Variants in VEGFB observed in about 807,000 individuals in gnomAD.
VEGFB encodes vascular endothelial growth factor B, also known as VEGF-related factor.
A neutral mutation model predicts 22.5 loss-of-function variants in VEGFB; 24 were observed. The ratio of observed to expected loss-of-function variants is 1.07; its 90% CI spans 0.77 to 1.50. The LOEUF (loss-of-function observed/expected upper bound fraction) is 1.50, where lower values mean the gene tolerates loss of function less well. Among genes scored for constraint, VEGFB ranks in the 40% most tolerant of loss-of-function variants. VEGFB has a pLI of 0.00. For missense variants in VEGFB, 327 were observed against 287.8 expected (o/e 1.14, Z -0.99); for synonymous variants, 141 against 117.4 (o/e 1.20, Z -1.30).
chr11:64,238,021 G>A, intron 6 of VEGFB: 1 of 494,432 alleles, frequency 2.0e-6, no homozygotes, highest in Non-Finnish European at 3.6e-6. Context: ...AGCCCCTGTG[G>A]TAGACATCTG....
Position 64,238,326 on chromosome 11 carries a change from G to A in VEGFB, c.*23-30G>A, listed in dbSNP as rs1325724156. 6.5e-6 allele frequency: 10 copies of A among 1,536,030 alleles called. No homozygotes were observed. The East Asian group carries it at 2.2e-4, about 34-fold the overall frequency. On this transcript the variant is annotated intron_variant, in intron 6 of 6. Coordinates refer to ENST00000309422, the MANE Select transcript of VEGFB (RefSeq NM_003377.5). ...CAGGGCTGGGGCTGCGCTCCAGCCAGCATGAACAGATCACTTCCTCCCTCC... is the reference window on the plus strand; with the variant it reads ...CAGGGCTGGGGCTGCGCTCCAGCCAACATGAACAGATCACTTCCTCCCTCC...
At position 64,235,466 on chromosome 11, in the gene VEGFB, C is replaced by G; in HGVS notation, c.69C>G (p.Val23=). The change falls in exon 2 of 7, where the codon GTC becomes GTG. Residue 23 remains valine (V), a synonymous_variant. Coordinates refer to ENST00000309422, the MANE Select transcript of VEGFB (RefSeq NM_003377.5). The part of the protein sequence containing the change: ...LLQLAPAQAP[V]SQPDAPGHQR... ...TCTTTTCTCTCCCACAGGCCCCTGT[C>G]TCCCAGCCTGATGCCCCTGGCCACC... The G allele has an allele frequency of 6.2e-7, 1 of 1,613,926 alleles. No homozygotes were observed. The highest frequency in any genetic ancestry group is 8.5e-7 in the Non-Finnish European group (1 of 1,179,976).
Position 64,234,772 on chromosome 11 carries a change from C to A in VEGFB, c.-62C>A. ...CGCCATGGGGCTCTGGCTGTCGCCG[C>A]CCCCCGCGCCGCCGGGCTAGGGCGA... On this transcript the variant is annotated 5_prime_UTR_variant, in exon 1 of 7. Coordinates refer to ENST00000309422, the MANE Select transcript of VEGFB (RefSeq NM_003377.5). The surrounding 1 kb of genome is among the most constrained non-coding windows in gnomAD (Gnocchi z 5.3). 7 of 793,994 alleles carry A rather than the reference C, an allele frequency of 8.8e-6. No homozygotes were observed. Among genetic ancestry groups the A allele is most frequent in the Non-Finnish European group, 1.1e-5 (7 of 652,806 alleles). The allele number at this position is 793,994 out of a possible 1,614,324, so 49.2% of individuals were successfully genotyped here.
rs759114911 is a variant in VEGFB at position 64,237,577 on chromosome 11, CCTGCCG to C, written c.581_586del (p.Ala194_Ala195del). 660 of 1,597,554 alleles carry C rather than the reference CCTGCCG, an allele frequency of 4.1e-4. 5 individuals are homozygous for C. In the East Asian group the frequency reaches 9.1e-3, roughly 22 times the overall value. ...CACCACCAGCGCCCTGACCCCCGGA[CCTGCCG>C]CTGCCGCTGCCGACGCCGCAGCTTC... On this transcript the variant is annotated inframe_deletion, in exon 6 of 7. Coordinates refer to ENST00000309422, the MANE Select transcript of VEGFB (RefSeq NM_003377.5).
intron 6 of VEGFB, among the ~76,000 whole-genome samples, chr11:64,238,111 C>T (rs966378018): frequency 1.3e-5 from 2 of 152,180 alleles, no homozygotes; most frequent in Admixed American, 6.5e-5. Context: ...TCTCACCATC[C>T]GTGTCCCGCA....
rs946052001 is a variant in VEGFB at position 64,234,772 on chromosome 11, C to G, written c.-62C>G. The G allele has an allele frequency of 2.5e-6, 2 of 793,888 alleles. No homozygotes were observed. Among genetic ancestry groups the G allele is most frequent in the African/African-American group, 3.8e-5 (2 of 52,854 alleles). The allele number at this position is 793,888 out of a possible 1,614,324, so 49.2% of individuals were successfully genotyped here. ...CGCCATGGGGCTCTGGCTGTCGCCG[C>G]CCCCCGCGCCGCCGGGCTAGGGCGA... On this transcript the variant is annotated 5_prime_UTR_variant, in exon 1 of 7. Transcript: ENST00000309422. The surrounding 1 kb of genome is among the most constrained non-coding windows in gnomAD (Gnocchi z 5.3).
intron 1 of VEGFB, among the ~76,000 whole-genome samples, chr11:64,235,111 C>T (rs546856826): frequency 6.6e-6 from 1 of 152,236 alleles, no homozygotes; most frequent in African/African-American, 2.4e-5. Flanking sequence ...CCCACCCCGT[C>T]CCCTGGGCAC....
chr11:64,238,278 T>C, intron 6 of VEGFB, 78 bp from the exon 7 acceptor site: 1 of 1,517,096 alleles, frequency 6.6e-7, no homozygotes, highest in Middle Eastern at 1.7e-4. Context: ...GTGATCTTAG[T>C]GGGCCCGAGG....
Position 64,238,358 on chromosome 11 carries a change from G to A in VEGFB, c.*25G>A. The A allele has an allele frequency of 6.5e-7, 1 of 1,536,190 alleles. No homozygotes were observed. Among genetic ancestry groups the A allele is most frequent in the East Asian group, 2.4e-5 (1 of 41,062 alleles). The stretch of plus-strand genomic sequence containing the variant: ...CAGATCACTTCCTCCCTCCTCAGGT[G>A]CCGGAAGCTGCGAAGGTGACACATG... On this transcript the variant is annotated splice_region_variant and 3_prime_UTR_variant, in exon 7 of 7. Coordinates refer to ENST00000309422, the MANE Select transcript of VEGFB (RefSeq NM_003377.5).
Position 64,234,789 on chromosome 11 carries a change from C to G in VEGFB, c.-45C>G. ...TGTCGCCGCCCCCCGCGCCGCCGGG[C>G]TAGGGCGATGCGGGCGCCCCCGGCG... On this transcript the variant is annotated 5_prime_UTR_variant, in exon 1 of 7. Coordinates refer to ENST00000309422, the MANE Select transcript of VEGFB (RefSeq NM_003377.5). This position sits in a 1 kb window ranked among gnomAD's most constrained non-coding sequence, Gnocchi z 5.3. 2.4e-5 allele frequency: 24 copies of G among 1,015,586 alleles called. No homozygotes were observed. Among genetic ancestry groups the G allele is most frequent in the Non-Finnish European group, 2.6e-5 (22 of 839,384 alleles). The allele number at this position is 1,015,586 out of a possible 1,614,324, so 62.9% of individuals were successfully genotyped here. A position where few individuals can be genotyped will look rare whatever the true frequency, so the allele number is the denominator to read the frequency against.
At chr11:64,236,196 A>G in intron 3 of VEGFB, 58 bp from the exon 4 acceptor site, 2 of 1,596,494 alleles carry the variant, frequency 1.3e-6, no homozygotes, top group South Asian at 1.1e-5. Flanking sequence ...CTTCAGTCTT[A>G]GAGCATCCCC....
Position 64,235,519 on chromosome 11 carries a change from C to T in VEGFB, c.103+19C>T, listed in dbSNP as rs1159264656. On this transcript the variant is annotated intron_variant, in intron 2 of 6. Transcript: ENST00000309422. ...AGGAAAGGTAATACTTACAAAAACT[C>T]GGCACTAGCCAGCACTAAGAGGGTT... The T allele has an allele frequency of 1.2e-6, 2 of 1,613,452 alleles. No homozygotes were observed. The highest frequency in any genetic ancestry group is 1.7e-6 in the Non-Finnish European group (2 of 1,179,620).
At chr11:64,237,702 C>T in intron 6 of VEGFB, 47 bp downstream of exon 6, 2 of 1,482,100 alleles carry the variant, frequency 1.3e-6, no homozygotes, top group Admixed American at 2.1e-5. Context: ...CACCAAGGCC[C>T]TGTCCTGGAG....
At chr11:64,235,094 C>T (rs1246225485) in intron 1 of VEGFB, among the ~76,000 whole-genome samples, 1 of 152,060 alleles carries the variant, frequency 6.6e-6, no homozygotes, top group African/African-American at 2.4e-5. Flanking sequence ...TGGGGCCACT[C>T]CTCCGCCCCA....
In VEGFB at chr11:64,236,627, G is replaced by A. The variant is rs894370642; in HGVS notation, c.374+300G>A. ...AGCTACTCCGGAGGCTGAGGCAGGAGAATGGCATGAACCTGGGAGGCGTAG... is the reference window on the plus strand; with the variant it reads ...AGCTACTCCGGAGGCTGAGGCAGGAAAATGGCATGAACCTGGGAGGCGTAG... On this transcript the variant is annotated intron_variant, in intron 4 of 6. Transcript: ENST00000309422. Among the ~76,000 whole-genome samples, 5 of 146,038 alleles carry A rather than the reference G, an allele frequency of 3.4e-5. No individual in the cohort carries two copies. In the East Asian group the frequency reaches 8.1e-4, roughly 24 times the overall value.
intron 6 of VEGFB, chr11:64,237,972 G>A (rs1197664796): frequency 2.1e-6 from 1 of 482,644 alleles, no homozygotes; most frequent in South Asian, 3.3e-5. Context: ...AGAAATGTAG[G>A]ACACAGCTTT....
Position 64,234,994 on chromosome 11 carries a change from G to C in VEGFB, c.60+101G>C, listed in dbSNP as rs1227422182. 1.3e-5 allele frequency: 13 copies of C among 1,034,696 alleles called. No homozygotes were observed. The highest frequency in any genetic ancestry group is 7.0e-4 in the Middle Eastern group (2 of 2,844). The allele number at this position is 1,034,696 out of a possible 1,614,324, so 64.1% of individuals were successfully genotyped here. On this transcript the variant is annotated intron_variant, in intron 1 of 6. Coordinates refer to ENST00000309422, the MANE Select transcript of VEGFB (RefSeq NM_003377.5). The surrounding 1 kb of genome is among the most constrained non-coding windows in gnomAD (Gnocchi z 5.3). Reference sequence around the variant, plus strand: ...CGCGGCCTCGGCCGAGGGGATCTGCGGGGTCCGGCCTTGGACGCGGGCGTC... The same window carrying C: ...CGCGGCCTCGGCCGAGGGGATCTGCCGGGTCCGGCCTTGGACGCGGGCGTC...
At chr11:64,235,373 G>A in intron 1 of VEGFB, 85 bp from the exon 2 acceptor site, 1 of 1,298,680 alleles carries the variant, frequency 7.7e-7, no homozygotes, top group Non-Finnish European at 1.1e-6. Flanking sequence ...GAAGCCTACT[G>A]ATGCAAGGGC....
rs1250366571 is a variant in VEGFB, at chr11:64,237,629, C to T, written c.620C>T (p.Ala207Val). The T allele has an allele frequency of 1.3e-6, 2 of 1,557,216 alleles. No homozygotes were observed. Among genetic ancestry groups the T allele is most frequent in the Middle Eastern group, 1.7e-4 (1 of 6,018 alleles). ...AAASSVAKGG[A>V] is the part of the protein sequence containing the mutation. ...GCTTCCTCCGTTGCCAAGGGCGGGG[C>T]TTAGAGCTCAACCCAGACACCTGCA... The change falls in exon 6 of 7, where the codon GCT (alanine) becomes GTT (valine). Residue 207 changes from alanine (A) to valine (V), a missense_variant. Coordinates refer to ENST00000309422, the MANE Select transcript of VEGFB (RefSeq NM_003377.5).
Sources: gnomAD v4.1 joint callset for allele counts (sites outside exome capture counted in the v4.1 genomes callset) on GRCh38, gnomAD v4.1.1 for gene constraint, Gnocchi (gnomAD v3.1) non-coding constraint, MANE v1.5 for transcripts, NCBI Gene and HGNC (gene_info 2026-07-23, HGNC 2026-07-21) for gene names.